NF1: variants seen among roughly 807,000 people sequenced by gnomAD.
NF1 encodes neurofibromin 1, also known as neurofibromin.
In NF1, 122 loss-of-function variants were observed where a neutral mutation model predicts 325.7. The observed-to-expected ratio is 0.37, with a 90% CI of 0.32 to 0.44. NF1 has a LOEUF of 0.44. NF1 is among the 20% of genes least tolerant of loss of function. NF1 has a pLI of 1.00. For missense variants in NF1, 2,140 were observed against 3,415.4 expected, an observed-to-expected ratio of 0.63 and a Z score of 9.31; for synonymous variants, 1,091 against 1,186.0, an observed-to-expected ratio of 0.92 and a Z score of 1.65.
At chr17:31,129,224 T>C (rs1011237699) in intron 1 of NF1, among the ~76,000 whole-genome samples, 2 of 152,324 alleles carry the variant, frequency 1.3e-5, no homozygotes, top group South Asian at 2.1e-4. Context: ...TCCTGAAATA[T>C]GTTTTCCAAG....
intron 5 of NF1, among the ~76,000 whole-genome samples, chr17:31,178,611 G>A (rs2066067309): frequency 6.6e-6 from 1 of 152,138 alleles, no homozygotes; most frequent in Non-Finnish European, 1.5e-5. Context: ...CTGTATTCAG[G>A]AGACCCATCT....
rs763849055 is a variant in NF1 at position 31,295,141 on chromosome 17, G to C, written c.4835+29802G>C. On this transcript the variant is annotated intron_variant, in intron 36 of 57. Coordinates refer to ENST00000358273, the MANE Select transcript of NF1 (RefSeq NM_001042492.3). The stretch of plus-strand genomic sequence containing the variant: ...CTTCCCTCCATAAGTTAAGGGTTGT[G>C]CTTTGTTGAGGCATTTCAGAGAAAT... 1.2e-6 allele frequency: 2 copies of C among 1,614,030 alleles called. No individual in the cohort carries two copies. Among genetic ancestry groups the C allele is most frequent in the Admixed American group, 1.7e-5 (1 of 59,996 alleles).
chr17:31,334,149 C>T (rs771368379), intron 39 of NF1, among the ~76,000 whole-genome samples: 7 of 151,878 alleles, frequency 4.6e-5, no homozygotes, highest in Non-Finnish European at 1.0e-4. Context: ...ATTTGCCGGG[C>T]GTGGTGGTGG....
At chr17:31,278,791 T>C (rs2068064388) in intron 36 of NF1, among the ~76,000 whole-genome samples, 1 of 151,812 alleles carries the variant, frequency 6.6e-6, no homozygotes, top group Non-Finnish European at 1.5e-5. Context: ...ATTTTCGTAT[T>C]TTTAGTAGAG....
chr17:31,193,315 T>G (rs1324599839), intron 8 of NF1, among the ~76,000 whole-genome samples: 1 of 152,182 alleles, frequency 6.6e-6, no homozygotes, highest in African/African-American at 2.4e-5. Flanking sequence ...AACTGCTGTA[T>G]GGTGTTCCCT....
Position 31,153,303 on chromosome 17 carries a change from A to G in NF1, c.61-2680A>G, listed in dbSNP as rs115100416. ...TATACCAGCTATGTTACAAGTGGTT[A>G]ATAGCTACATGTGACGACTAGTGGC... On this transcript the variant is annotated intron_variant, in intron 1 of 57. Transcript: ENST00000358273. 1.8e-3 allele frequency among the ~76,000 whole-genome samples: 274 copies of G among 152,376 alleles called. 2 individuals are homozygous for G. Among genetic ancestry groups the G allele is most frequent in the African/African-American group, 6.2e-3 (257 of 41,588 alleles).
chr17:31,182,541 G>A lies in NF1; in HGVS notation c.764G>A (p.Gly255Asp). 6.2e-7 allele frequency: 1 copy of A among 1,614,034 alleles called. No homozygotes were observed. The highest frequency in any genetic ancestry group is 8.5e-7 in the Non-Finnish European group (1 of 1,179,946). ...GAAAAGCTATTTGACTTGGTGGATG[G>A]TTTTGCTGAAAGCACCAAACGTAAA... Reference protein sequence around the residue: ...CAEKLFDLVDGFAESTKRKAA... With the variant: ...CAEKLFDLVDDFAESTKRKAA... The change falls in exon 8 of 58, where the codon GGT (glycine) becomes GAT (aspartate). Residue 255 changes from glycine (G) to aspartate (D), a missense_variant. Physicochemically the swap from Gly to Asp is moderately conservative, Grantham distance 94. Around this residue, in one of 10 missense-constraint regions of NF1, gnomAD observed 246 missense variants for 347.8 expected, o/e 0.71. Coordinates refer to ENST00000358273, the MANE Select transcript of NF1 (RefSeq NM_001042492.3).
At chr17:31,261,667 A>C (rs780668800) in intron 34 of NF1, 44 bp from the exon 35 acceptor site, 1 of 1,610,060 alleles carries the variant, frequency 6.2e-7, no homozygotes, top group Admixed American at 1.7e-5. Context: ...GTAGTGCTAA[A>C]TGTGAACTGC....
intron 36 of NF1, among the ~76,000 whole-genome samples, chr17:31,279,130 T>G (rs1281645676): frequency 6.6e-6 from 1 of 152,038 alleles, no homozygotes; most frequent in Non-Finnish European, 1.5e-5. Context: ...CTGTATAGTC[T>G]TAGCCACTTG....
chr17:31,130,450 G>A (rs1009673766), intron 1 of NF1, among the ~76,000 whole-genome samples: 6 of 152,232 alleles, frequency 3.9e-5, no homozygotes, highest in Non-Finnish European at 7.3e-5. Context: ...AACAGTGGCA[G>A]TAAGGCCAGG....
intron 1 of NF1, among the ~76,000 whole-genome samples, chr17:31,134,479 A>G (rs1915612987): frequency 6.6e-6 from 1 of 151,778 alleles, no homozygotes; most frequent in Admixed American, 6.6e-5. Context: ...ATTTATTGTT[A>G]TGTTATAAAT....
chr17:31,274,726 A>G (rs904876287), intron 36 of NF1, among the ~76,000 whole-genome samples: 3 of 63,210 alleles, frequency 4.7e-5, no homozygotes, highest in Non-Finnish European at 9.2e-5. Context: ...GGGGGTATAT[A>G]GTTGGTAATA....
At chr17:31,117,237 T>TCCCA (rs1040603189) in intron 1 of NF1, among the ~76,000 whole-genome samples, 1 of 152,018 alleles carries the variant, frequency 6.6e-6, no homozygotes, top group Non-Finnish European at 1.5e-5. Flanking sequence ...TGCCTCAGCC[T>TCCCA]CCCAGAGTGC....
chr17:31,165,809 C>T (rs1181432258), intron 4 of NF1, among the ~76,000 whole-genome samples: 2 of 152,124 alleles, frequency 1.3e-5, no homozygotes, highest in African/African-American at 4.8e-5. Flanking sequence ...CCCACCTCAG[C>T]CTCTTGAGTA....
intron 8 of NF1, among the ~76,000 whole-genome samples, chr17:31,188,667 T>C (rs1483318802): frequency 6.6e-6 from 1 of 152,146 alleles, no homozygotes; most frequent in Non-Finnish European, 1.5e-5. Context: ...CCAAAGGAGA[T>C]TGACATTTGA....
chr17:31,209,084 C>T (rs747240955), intron 12 of NF1, among the ~76,000 whole-genome samples: 6 of 152,182 alleles, frequency 3.9e-5, no homozygotes, highest in Non-Finnish European at 5.9e-5. Context: ...TCAGCAGCAT[C>T]TCTGGCCTCT....
At chr17:31,134,656 G>A (rs1030444690) in intron 1 of NF1, among the ~76,000 whole-genome samples, 1 of 152,170 alleles carries the variant, frequency 6.6e-6, no homozygotes, top group Non-Finnish European at 1.5e-5. Flanking sequence ...GGCTTGACTG[G>A]GGGTAGAGCA....
intron 27 of NF1, among the ~76,000 whole-genome samples, chr17:31,234,191 C>T (rs1597721217): frequency 6.6e-6 from 1 of 152,216 alleles, no homozygotes. Flanking sequence ...TGCTGCACAG[C>T]AGATCTCTAG....
intron 1 of NF1, among the ~76,000 whole-genome samples, chr17:31,113,886 T>TGAG (rs1913653183): frequency 6.6e-6 from 1 of 152,166 alleles, no homozygotes; most frequent in African/African-American, 2.4e-5. Context: ...TTTGTAAAAA[T>TGAG]GAGGATGTCC....
Sources: allele counts gnomAD v4.1 joint callset (sites outside exome capture counted in the v4.1 genomes callset), GRCh38; gene constraint gnomAD v4.1.1; regional missense constraint gnomAD v4.1.1; transcripts MANE v1.5; gene names NCBI Gene and HGNC (gene_info 2026-07-23, HGNC 2026-07-21).